The following VPS13C variants were observed in gnomAD, a reference collection of about 807,000 sequenced individuals.
The protein encoded by VPS13C is intermembrane lipid transfer protein VPS13C.
Under a neutral mutation model 456.8 loss-of-function variants are expected in VPS13C, and 358 were observed. The observed-to-expected ratio is 0.78, with a 90% CI of 0.72 to 0.86. The LOEUF (loss-of-function observed/expected upper bound fraction) is 0.86, where lower values mean the gene tolerates loss of function less well. VPS13C is among the 40% of genes least tolerant of loss of function. The pLI is 0.00. For missense variants in VPS13C, 4,818 were observed against 4,385.4 expected (o/e 1.10, Z -2.79); for synonymous variants, 1,578 against 1,486.7 (o/e 1.06, Z -1.41).
At chr15:61,912,090 T>C (rs2140149262) in intron 62 of VPS13C, 86 bp from the exon 63 acceptor site, 1 of 1,124,934 alleles carries the variant, frequency 8.9e-7, no homozygotes, top group East Asian at 3.0e-5. Flanking sequence ...ACAAACTTCT[T>C]ACAATATTTT....
Position 61,958,689 on chromosome 15 carries a change from G to C in VPS13C, c.4084C>G (p.Leu1362Val), listed in dbSNP as rs761743466. Residue 1362 changes from leucine (L) to valine (V), a missense_variant, in exon 37 of 85, where the codon CTT (leucine) becomes GTT (valine). Physicochemically the swap from Leu to Val is conservative, Grantham distance 32 (BLOSUM62 1). Transcript: ENST00000644861. ...NVSLNQEDLN[L>V]LFRILTENLC... ...TTTTCTGTTAGTATCCTAAATAAAA[G>C]ATTAAGATCTTCTTGATTTAGACTA... 3.2e-6 allele frequency: 5 copies of C among 1,552,206 alleles called. No individual in the cohort carries two copies. The highest frequency in any genetic ancestry group is 1.2e-5 in the South Asian group (1 of 81,560).
At chr15:62,000,303 T>G (rs2046564177) in intron 16 of VPS13C, among the ~76,000 whole-genome samples, 2 of 152,056 alleles carry the variant, frequency 1.3e-5, no homozygotes, top group South Asian at 4.2e-4. Context: ...AGGCAGAGGC[T>G]GCAGCGAGCC....
chr15:61,985,281 A>C (rs948675192), intron 18 of VPS13C, among the ~76,000 whole-genome samples: 2 of 152,180 alleles, frequency 1.3e-5, no homozygotes, highest in African/African-American at 4.8e-5. Flanking sequence ...TTTTTGAGAC[A>C]GAGACTTGCT....
At chr15:61,895,073 T>C (rs963986253) in intron 66 of VPS13C, among the ~76,000 whole-genome samples, 2 of 152,086 alleles carry the variant, frequency 1.3e-5, no homozygotes, top group African/African-American at 4.8e-5. Context: ...CAGGAATTTG[T>C]AAAGTATAAA....
At chr15:61,899,934 C>G (rs1424893436) in intron 66 of VPS13C, among the ~76,000 whole-genome samples, 1 of 152,030 alleles carries the variant, frequency 6.6e-6, no homozygotes, top group Non-Finnish European at 1.5e-5. Flanking sequence ...GGGCTTCATC[C>G]CTGGGATGCA....
At chr15:61,891,340 T>C (rs1026623258) in intron 66 of VPS13C, among the ~76,000 whole-genome samples, 12 of 152,218 alleles carry the variant, frequency 7.9e-5, no homozygotes, top group South Asian at 4.2e-4. Flanking sequence ...CAAAAACAAC[T>C]GAAGTTACCA....
intron 46 of VPS13C, 81 bp downstream of exon 46, chr15:61,941,682 T>G (rs538976422): frequency 7.1e-7 from 1 of 1,414,700 alleles, no homozygotes; most frequent in Admixed American, 2.3e-5. Context: ...CACAAATTAC[T>G]ACAACATTTT....
intron 73 of VPS13C, among the ~76,000 whole-genome samples, 169 bp downstream of exon 73, chr15:61,880,440 T>C (rs1385770256): frequency 6.6e-6 from 1 of 152,148 alleles, no homozygotes; most frequent in Admixed American, 6.6e-5. Context: ...TCTGTGGGAA[T>C]TGTGGCTGCA....
intron 3 of VPS13C, among the ~76,000 whole-genome samples, chr15:62,035,647 A>G (rs1230266587): frequency 6.6e-6 from 1 of 152,046 alleles, no homozygotes; most frequent in East Asian, 1.9e-4. Flanking sequence ...CACAACAGGA[A>G]GAGGCTAGCT....
chr15:62,039,336 G>A (rs2048165377), intron 3 of VPS13C, among the ~76,000 whole-genome samples: 1 of 152,006 alleles, frequency 6.6e-6, no homozygotes, highest in South Asian at 2.1e-4. Flanking sequence ...CTCAAAGGTG[G>A]AAAATCTAAT....
At chr15:61,975,285 G>A (rs2045671543) in intron 24 of VPS13C, among the ~76,000 whole-genome samples, 1 of 151,760 alleles carries the variant, frequency 6.6e-6, no homozygotes, top group African/African-American at 2.4e-5. Context: ...TATCAGAGAG[G>A]AAATCAGGAA....
In VPS13C at chr15:61,968,286, A is replaced by AAAC. The variant is rs148636767; in HGVS notation, c.2912-842_2912-840dup. Reference sequence around the variant, plus strand: ...AGATTGAAATATTAAAAAAAATTAAAAACAATAAAAAATTAAAAATACAAA... The same window carrying AAAC: ...AGATTGAAATATTAAAAAAAATTAAAAACAACAATAAAAAATTAAAAATACAAA... On this transcript the variant is annotated intron_variant, in intron 28 of 84. Transcript: ENST00000644861. 9.4e-3 allele frequency among the ~76,000 whole-genome samples: 1,425 copies of AAAC among 152,152 alleles called. 22 individuals are homozygous for AAAC. Among genetic ancestry groups the AAAC allele is most frequent in the African/African-American group, 0.032 (1,347 of 41,544 alleles).
chr15:61,959,615 T>A lies in VPS13C; in HGVS notation c.3909-20A>T. On this transcript the variant is annotated intron_variant, in intron 35 of 84. Transcript: ENST00000644861. ...ACTGTCCTACGAAAAACAGAAATGT[T>A]ACATAATGCATAGATATAGGGTAGA... 1 of 1,606,542 alleles carries A rather than the reference T, an allele frequency of 6.2e-7. No individual in the cohort carries two copies. The highest frequency in any genetic ancestry group is 8.5e-7 in the Non-Finnish European group (1 of 1,175,352).
intron 38 of VPS13C, among the ~76,000 whole-genome samples, chr15:61,952,933 A>T (rs1266750092): frequency 6.6e-6 from 1 of 151,842 alleles, no homozygotes; most frequent in African/African-American, 2.4e-5. Context: ...TATGTTGCCC[A>T]GGCTGGTCTC....
rs770766487 is a variant in VPS13C, at chr15:61,977,183, C to A, written c.2307G>T (p.Lys769Asn). 6.4e-7 allele frequency: 1 copy of A among 1,553,916 alleles called. No homozygotes were observed. The highest frequency in any genetic ancestry group is 8.7e-7 in the Non-Finnish European group (1 of 1,154,776). ...TAGTTGATGGATGCTGAAATCGACA[C>A]TTTTTCCAGGTTTCCTCTTTAAAAA... is the stretch of plus-strand genomic sequence containing the variant. ...LFARAEETWK[K>N]CRFQHPSTMH... The change falls in exon 24 of 85, where the codon AAG becomes AAT. Residue 769 changes from lysine to asparagine, a missense_variant. Coordinates refer to ENST00000644861, the MANE Select transcript of VPS13C (RefSeq NM_020821.3).
intron 47 of VPS13C, among the ~76,000 whole-genome samples, chr15:61,937,895 C>G (rs1257736832): frequency 6.6e-6 from 1 of 152,142 alleles, no homozygotes; most frequent in African/African-American, 2.4e-5. Context: ...GCTCCTTATC[C>G]TTCTACCTTA....
intron 46 of VPS13C, 128 bp from the exon 47 acceptor site, chr15:61,940,922 A>G: frequency 1.1e-6 from 1 of 911,184 alleles, no homozygotes; most frequent in East Asian, 2.7e-5. Context: ...AGTCTTTTAG[A>G]ATACACTTCT....
intron 66 of VPS13C, among the ~76,000 whole-genome samples, chr15:61,898,531 T>A (rs2042901433): frequency 6.6e-6 from 1 of 152,060 alleles, no homozygotes; most frequent in African/African-American, 2.4e-5. Context: ...GGCAAAGGGA[T>A]CAATTCAACA....
chr15:61,962,460 TATACAAATCCCCCTCAGTAGCATCTGG>T lies in VPS13C; in HGVS notation c.3487_3513del (p.Pro1163_Tyr1171del). ...ACACCATCCACTTTGGACATGTCAGTATACAAATCCCCCTCAGTAGCATCTGGATACAAATCCAAATTAAAACGGAAA... is the reference window on the plus strand; with the variant it reads ...ACACCATCCACTTTGGACATGTCAGTATACAAATCCAAATTAAAACGGAAA... On this transcript the variant is annotated inframe_deletion, in exon 34 of 85. Coordinates refer to ENST00000644861, the MANE Select transcript of VPS13C (RefSeq NM_020821.3). 1 of 1,612,234 alleles carries T rather than the reference TATACAAATCCCCCTCAGTAGCATCTGG, an allele frequency of 6.2e-7. No individual in the cohort carries two copies. Among genetic ancestry groups the T allele is most frequent in the Non-Finnish European group, 8.5e-7 (1 of 1,178,858 alleles).
Sources: gnomAD v4.1 joint callset for allele counts (sites outside exome capture counted in the v4.1 genomes callset) on GRCh38, gnomAD v4.1.1 for gene constraint, MANE v1.5 for transcripts, NCBI Gene and HGNC (gene_info 2026-07-23, HGNC 2026-07-21) for gene names.